The following WWOX variants were observed in gnomAD, a reference collection of about 807,000 sequenced individuals.
The protein encoded by WWOX is WW domain-containing oxidoreductase.
WWOX carries 69 observed loss-of-function variants against 46.2 expected under a neutral mutation model. The ratio of observed to expected loss-of-function variants is 1.49; its 90% CI spans 1.23 to 1.82. The LOEUF (loss-of-function observed/expected upper bound fraction) is 1.82, where lower values mean the gene tolerates loss of function less well. Ranked by LOEUF, WWOX falls within the 40% of genes most tolerant of loss-of-function variation. The pLI, the probability that WWOX is intolerant of heterozygous loss-of-function variation, is 0.00. For missense variants in WWOX, 919 were observed against 542.6 expected (o/e 1.69, Z -6.89); for synonymous variants, 359 against 202.6 (o/e 1.77, Z -6.56).
intron 8 of WWOX, among the ~76,000 whole-genome samples, chr16:78,653,999 G>A (rs896662765): frequency 5.3e-5 from 8 of 152,332 alleles, no homozygotes; most frequent in African/African-American, 1.9e-4. Context: ...ATTAAGATCT[G>A]CTCAAGGTCG....
intron 5 of WWOX, among the ~76,000 whole-genome samples, chr16:78,381,609 C>G (rs555354764): frequency 3.2e-4 from 48 of 152,216 alleles, no homozygotes; most frequent in African/African-American, 1.2e-3. Context: ...TTCTGTTTTG[C>G]CTGAGATAAG....
intron 8 of WWOX, chr16:79,205,231 CATTTATGGTGA>C (rs943731417): frequency 2.0e-5 from 3 of 152,190 alleles, no homozygotes; most frequent in African/African-American, 7.2e-5. Context: ...GAACCTGTTG[CATTTATGGTGA>C]TGGACTGGCA....
chr16:78,399,528 C>T (rs962968901), intron 6 of WWOX, among the ~76,000 whole-genome samples: 29 of 152,098 alleles, frequency 1.9e-4, no homozygotes, highest in African/African-American at 6.5e-4. Context: ...GAACAGGGAG[C>T]GACACCTCTC....
At chr16:78,816,153 A>C (rs780377739) in intron 8 of WWOX, among the ~76,000 whole-genome samples, 8 of 152,180 alleles carry the variant, frequency 5.3e-5, no homozygotes, top group Non-Finnish European at 7.3e-5. Flanking sequence ...TGTTGTTTAA[A>C]CTAAATCCCT....
At chr16:78,577,424 C>A (rs1020800488) in intron 8 of WWOX, among the ~76,000 whole-genome samples, 2 of 152,088 alleles carry the variant, frequency 1.3e-5, no homozygotes, top group Non-Finnish European at 2.9e-5. Context: ...GTAAAGGGTG[C>A]CCTGACCACG....
At chr16:78,524,584 C>T (rs1408572033) in intron 8 of WWOX, among the ~76,000 whole-genome samples, 1 of 151,700 alleles carries the variant, frequency 6.6e-6, no homozygotes, top group Non-Finnish European at 1.5e-5. Flanking sequence ...CCAGGCTCTG[C>T]TAATTTTTAT....
intron 5 of WWOX, among the ~76,000 whole-genome samples, chr16:78,317,443 C>T (rs556332110): frequency 1.3e-5 from 2 of 152,098 alleles, no homozygotes; most frequent in African/African-American, 4.8e-5. Context: ...CAGGACCGTG[C>T]CCACACAAAG....
At chr16:79,109,159 T>C (rs953693214) in intron 8 of WWOX, among the ~76,000 whole-genome samples, 4 of 152,074 alleles carry the variant, frequency 2.6e-5, no homozygotes, top group Non-Finnish European at 5.9e-5. Flanking sequence ...GCACTTTTCA[T>C]CTCAGGCCAG....
chr16:78,146,019 C>G (rs777360933), intron 4 of WWOX: 3 of 152,164 alleles, frequency 2.0e-5, no homozygotes, highest in Non-Finnish European at 2.9e-5. Context: ...TCTCAAAGCA[C>G]TGAAGAAAAT....
intron 8 of WWOX, among the ~76,000 whole-genome samples, chr16:78,910,668 G>C (rs756302818): frequency 6.6e-6 from 1 of 151,934 alleles, no homozygotes; most frequent in Non-Finnish European, 1.5e-5. Flanking sequence ...GGCAAACAAG[G>C]AGCAAAGTCA....
chr16:78,629,217 G>T (rs1468325098), intron 8 of WWOX, among the ~76,000 whole-genome samples: 1 of 148,596 alleles, frequency 6.7e-6, no homozygotes, highest in Admixed American at 7.0e-5. Context: ...AAAACAGGAA[G>T]ACTTTTTCTC....
At chr16:78,788,045 A>T (rs2050499092) in intron 8 of WWOX, among the ~76,000 whole-genome samples, 2 of 152,088 alleles carry the variant, frequency 1.3e-5, no homozygotes, top group Non-Finnish European at 2.9e-5. Flanking sequence ...TGGATACTAG[A>T]CCCTTATCGT....
intron 8 of WWOX, chr16:78,895,360 T>G (rs1478367466): frequency 2.6e-5 from 4 of 152,202 alleles, no homozygotes; most frequent in Admixed American, 2.0e-4. Context: ...CCCAGTACCC[T>G]AGAAACACAG....
At chr16:78,528,068 G>A (rs1007233731) in intron 8 of WWOX, among the ~76,000 whole-genome samples, 1 of 135,308 alleles carries the variant, frequency 7.4e-6, no homozygotes, top group Admixed American at 8.5e-5. Flanking sequence ...GCGTAATCTC[G>A]GCTCACTGCA....
intron 8 of WWOX, among the ~76,000 whole-genome samples, chr16:78,748,151 C>T (rs529950190): frequency 6.6e-6 from 1 of 152,122 alleles, no homozygotes; most frequent in African/African-American, 2.4e-5. Context: ...CATTGCACCC[C>T]GTGTCATTGC....
intron 8 of WWOX, among the ~76,000 whole-genome samples, chr16:78,481,982 G>A (rs534401541): frequency 6.6e-6 from 1 of 152,176 alleles, no homozygotes; most frequent in East Asian, 1.9e-4. Flanking sequence ...CTAGCTGTCT[G>A]CATTTCTGAT....
At chr16:78,675,119 G>A (rs188149710) in intron 8 of WWOX, among the ~76,000 whole-genome samples, 23 of 152,200 alleles carry the variant, frequency 1.5e-4, no homozygotes, top group Admixed American at 3.9e-4. Flanking sequence ...ATAGATGATC[G>A]GATCCTCATA....
chr16:78,750,326 C>T (rs1862826), intron 8 of WWOX, among the ~76,000 whole-genome samples: 154 of 152,258 alleles, frequency 1.0e-3, no homozygotes, highest in Non-Finnish European at 1.8e-3. Flanking sequence ...TCTTGCCCCT[C>T]CTGTGGTCTG....
At chr16:78,486,630 A>G (rs1266218600) in intron 8 of WWOX, among the ~76,000 whole-genome samples, 2 of 151,010 alleles carry the variant, frequency 1.3e-5, no homozygotes, top group African/African-American at 2.5e-5. Context: ...GCTGGAGTGT[A>G]GTGGTGTGAT....
Sources: allele counts gnomAD v4.1 joint callset (sites outside exome capture counted in the v4.1 genomes callset), GRCh38; gene constraint gnomAD v4.1.1; transcripts MANE v1.5; gene names NCBI Gene and HGNC (gene_info 2026-07-23, HGNC 2026-07-21).